FRY: variants seen among roughly 807,000 people sequenced by gnomAD.
FRY encodes protein furry homolog.
FRY carries 128 observed loss-of-function variants against 348.4 expected under a neutral mutation model. The ratio of observed to expected loss-of-function variants is 0.37; its 90% CI spans 0.32 to 0.43. The LOEUF is 0.43. Ranked by LOEUF, FRY falls within the 20% of genes least tolerant of loss-of-function variation. FRY has a pLI of 1.00. For missense variants in FRY, 2,736 were observed against 3,695.2 expected (o/e 0.74, Z 6.73); for synonymous variants, 1,370 against 1,374.7 (o/e 1.00, Z 0.08).
At chr13:32,151,583 T>G (rs1300884535) in intron 14 of FRY, among the ~76,000 whole-genome samples, 1 of 152,228 alleles carries the variant, frequency 6.6e-6, no homozygotes, top group East Asian at 1.9e-4. Context: ...GGCCTGGAGA[T>G]CTAAAGGATT....
intron 31 of FRY, among the ~76,000 whole-genome samples, chr13:32,208,209 A>C (rs1421907301): frequency 6.6e-6 from 1 of 152,198 alleles, no homozygotes; most frequent in Non-Finnish European, 1.5e-5. Flanking sequence ...AAGTGGGTTT[A>C]TTCTTCCTAG....
rs1163691921 is a variant in FRY at position 32,268,486 on chromosome 13, T to TAA, written c.8136+1146_8136+1147dup. On this transcript the variant is annotated intron_variant, in intron 55 of 60. Coordinates refer to ENST00000542859, the MANE Select transcript of FRY (RefSeq NM_023037.3). ...ATTATAGTTAAAGAGAAAGCTAGTTTAAAAAAAAAAAAAAAAAAAATATAT... is the reference window on the plus strand; with the variant it reads ...ATTATAGTTAAAGAGAAAGCTAGTTTAAAAAAAAAAAAAAAAAAAAAATATAT... Among the ~76,000 whole-genome samples, 87 of 60,944 alleles carry TAA rather than the reference T, an allele frequency of 1.4e-3. 1 individual carries two copies. Among genetic ancestry groups the TAA allele is most frequent in the South Asian group, 2.9e-3 (5 of 1,706 alleles). 40.0% of individuals were successfully genotyped at this position (60,944 alleles called of 152,430 possible).
chr13:32,284,524 A>G (rs189294248), intron 58 of FRY, among the ~76,000 whole-genome samples: 7 of 152,322 alleles, frequency 4.6e-5, no homozygotes, highest in African/African-American at 1.7e-4. Context: ...ATTTCTTGAA[A>G]AAAGTGAATG....
At chr13:32,135,687 A>G (rs1879671311) in intron 10 of FRY, among the ~76,000 whole-genome samples, 1 of 152,230 alleles carries the variant, frequency 6.6e-6, no homozygotes, top group Admixed American at 6.5e-5. Context: ...AGAGCAGTAT[A>G]GAAAATCTTT....
chr13:32,055,593 G>A (rs1873581771), intron 1 of FRY, among the ~76,000 whole-genome samples: 1 of 152,040 alleles, frequency 6.6e-6, no homozygotes, highest in South Asian at 2.1e-4. Context: ...CCATCTTTGG[G>A]TAAACTTTGG....
intron 2 of FRY, among the ~76,000 whole-genome samples, chr13:32,093,811 G>A (rs981841606): frequency 4.6e-5 from 7 of 151,980 alleles, no homozygotes; most frequent in African/African-American, 1.7e-4. Context: ...GAACTTTCAG[G>A]GACCCATCAC....
intron 19 of FRY, among the ~76,000 whole-genome samples, chr13:32,173,836 C>T (rs1363551774): frequency 6.6e-6 from 1 of 152,196 alleles, no homozygotes; most frequent in Non-Finnish European, 1.5e-5. Context: ...ATTTCCTTCA[C>T]AGTGTTCAGC....
intron 58 of FRY, chr13:32,287,857 T>C (rs1889153191): frequency 2.2e-6 from 3 of 1,352,594 alleles, no homozygotes; most frequent in Admixed American, 1.9e-5. Flanking sequence ...GTGCCATGCT[T>C]GCTGTGTAGC....
At chr13:32,107,524 C>T (rs1028636068) in intron 3 of FRY, among the ~76,000 whole-genome samples, 1 of 152,126 alleles carries the variant, frequency 6.6e-6, no homozygotes, top group Admixed American at 6.5e-5. Context: ...TCACAAACTT[C>T]AGGAATATGA....
chr13:32,289,771 G>A lies in FRY; in HGVS notation c.8580+28G>A, dbSNP rs185404752. ...GAGTCCACACGCTTCCCAACCCCAC[G>A]TCCCACCACAAAAACCATTTCTTTT... On this transcript the variant is annotated intron_variant, in intron 59 of 60. Transcript: ENST00000542859. The A allele has an allele frequency of 1.3e-4, 156 of 1,155,936 alleles. No homozygotes were observed. In the African/African-American group the frequency reaches 1.7e-3, roughly 12 times the overall value. The allele number at this position is 1,155,936 out of a possible 1,614,324, so 71.6% of individuals were successfully genotyped here. A position where few individuals can be genotyped will look rare whatever the true frequency, so the allele number is the denominator to read the frequency against.
chr13:32,285,114 G>A (rs1008827689), intron 58 of FRY, among the ~76,000 whole-genome samples: 6 of 152,176 alleles, frequency 3.9e-5, no homozygotes, highest in East Asian at 3.9e-4. Flanking sequence ...GAAAATCCTC[G>A]TGACTAAATA....
intron 3 of FRY, among the ~76,000 whole-genome samples, chr13:32,115,576 AC>A (rs1878246864): frequency 6.6e-6 from 1 of 152,204 alleles, no homozygotes; most frequent in Non-Finnish European, 1.5e-5. Context: ...AAGTCTTCAT[AC>A]CAGTCAGATA....
chr13:32,152,669 T>C (rs944090619), intron 14 of FRY, among the ~76,000 whole-genome samples: 2 of 152,152 alleles, frequency 1.3e-5, no homozygotes, highest in Admixed American at 6.5e-5. Context: ...TCTGATACTA[T>C]AAATCTTCCA....
chr13:32,162,371 C>T (rs1593683641), intron 17 of FRY, among the ~76,000 whole-genome samples: 1 of 152,116 alleles, frequency 6.6e-6, no homozygotes, highest in East Asian at 1.9e-4. Flanking sequence ...AAATAAATAA[C>T]CCAAACTTCC....
At chr13:32,121,811 T>A (rs567456467) in intron 4 of FRY, among the ~76,000 whole-genome samples, 67 of 152,348 alleles carry the variant, frequency 4.4e-4, no homozygotes, top group Non-Finnish European at 7.9e-4. Flanking sequence ...TCTTTGTTTT[T>A]ATTGCATTTG....
At chr13:32,186,228 CTT>C in intron 26 of FRY, 30 bp from the exon 27 acceptor site, 1 of 1,559,530 alleles carries the variant, frequency 6.4e-7, no homozygotes, top group Middle Eastern at 1.7e-4. Context: ...TATGTCCAGT[CTT>C]ATAACCTCTA....
At chr13:32,252,141 A>T (rs1038451453) in intron 50 of FRY, among the ~76,000 whole-genome samples, 189 bp downstream of exon 50, 7 of 152,218 alleles carry the variant, frequency 4.6e-5, no homozygotes, top group Admixed American at 4.6e-4. Context: ...GTTCAGAAAC[A>T]ATGAAAGATC....
chr13:32,155,715 C>T, intron 15 of FRY, 53 bp downstream of exon 15: 1 of 1,259,166 alleles, frequency 7.9e-7, no homozygotes, highest in Non-Finnish European at 1.1e-6. Flanking sequence ...TTAAAATGAC[C>T]AGTAGATATT....
intron 16 of FRY, among the ~76,000 whole-genome samples, chr13:32,157,744 A>G (rs890448503): frequency 2.0e-5 from 3 of 152,338 alleles, no homozygotes; most frequent in African/African-American, 7.2e-5. Flanking sequence ...CAGACATTCC[A>G]TCTTTATACA....
Sources: allele counts gnomAD v4.1 joint callset (sites outside exome capture counted in the v4.1 genomes callset), GRCh38; gene constraint gnomAD v4.1.1; transcripts MANE v1.5; gene names NCBI Gene and HGNC (gene_info 2026-07-23, HGNC 2026-07-21).